The following ASTN1 variants were observed in gnomAD, a reference collection of about 807,000 sequenced individuals.
ASTN1 encodes the protein astrotactin-1.
In ASTN1, 41 loss-of-function variants were observed where a neutral mutation model predicts 140.7. That is an observed-to-expected ratio of 0.29 (90% confidence interval 0.23 to 0.38). ASTN1 has a LOEUF of 0.38. ASTN1 is among the 10% of genes least tolerant of loss of function. ASTN1 has a pLI of 1.00. For synonymous variants in ASTN1, 640 were observed against 652.2 expected (o/e 0.98, Z 0.29); for missense variants, 1,479 against 1,678.8 (o/e 0.88, Z 2.08).
intron 11 of ASTN1, among the ~76,000 whole-genome samples, chr1:176,951,343 CTG>C (rs1672184422): frequency 6.6e-6 from 1 of 152,230 alleles, no homozygotes; most frequent in South Asian, 2.1e-4. Flanking sequence ...GGCTTCAGCA[CTG>C]TGCGGCTGCC....
chr1:176,922,578 A>C (rs978718797), intron 16 of ASTN1, among the ~76,000 whole-genome samples: 1 of 150,384 alleles, frequency 6.6e-6, no homozygotes, highest in African/African-American at 2.5e-5. Flanking sequence ...AAAAAAAAAA[A>C]AAATTCTCAC....
Position 176,934,230 on chromosome 1 carries a change from C to T in ASTN1, c.2593G>A (p.Glu865Lys), listed in dbSNP as rs1671334217. Residue 865 changes from glutamate to lysine, a missense_variant, in exon 16 of 23, where the codon GAG becomes AAG. By Grantham distance (56) the Glu-to-Lys change is moderately conservative. Coordinates refer to ENST00000361833, the MANE Select transcript of ASTN1 (RefSeq NM_004319.3). Reference sequence around the variant, plus strand: ...GGGTACCAGATAGAACAGGACTCCTCAAAGCCGTAGATAGCTTCCTGGATG... The same window carrying T: ...GGGTACCAGATAGAACAGGACTCCTTAAAGCCGTAGATAGCTTCCTGGATG... ...HYIQEAIYGF[E>K]ESCSIWYPNK... 1 of 1,613,964 alleles carries T rather than the reference C, an allele frequency of 6.2e-7. No individual in the cohort carries two copies. Among genetic ancestry groups the T allele is most frequent in the South Asian group, 1.1e-5 (1 of 91,080 alleles).
intron 21 of ASTN1, among the ~76,000 whole-genome samples, chr1:176,875,702 T>C (rs761204962): frequency 6.6e-6 from 1 of 152,200 alleles, no homozygotes; most frequent in East Asian, 1.9e-4. Context: ...GGACACAATA[T>C]TTCTCTTACT....
chr1:177,085,430 G>A (rs557890129), intron 1 of ASTN1, among the ~76,000 whole-genome samples: 17 of 152,206 alleles, frequency 1.1e-4, no homozygotes, highest in East Asian at 9.7e-4. Flanking sequence ...TTTACCCAGC[G>A]TTTATTGGGT....
At chr1:177,123,700 A>T (rs1681508745) in intron 1 of ASTN1, among the ~76,000 whole-genome samples, 1 of 152,156 alleles carries the variant, frequency 6.6e-6, no homozygotes, top group African/African-American at 2.4e-5. Flanking sequence ...TCTCGATAGC[A>T]GACTTTCTCT....
intron 1 of ASTN1, among the ~76,000 whole-genome samples, chr1:177,084,573 CT>C: frequency 6.6e-6 from 1 of 152,108 alleles, no homozygotes; most frequent in Non-Finnish European, 1.5e-5. Flanking sequence ...ATTTCATACT[CT>C]TTCCATCTTA....
chr1:176,943,341 A>C (rs1671819341), intron 14 of ASTN1, among the ~76,000 whole-genome samples: 1 of 152,106 alleles, frequency 6.6e-6, no homozygotes, highest in Non-Finnish European at 1.5e-5. Context: ...AACAATACTG[A>C]GGGGCAGGCA....
chr1:177,158,659 T>A, intron 1 of ASTN1, among the ~76,000 whole-genome samples: 1 of 84,516 alleles, frequency 1.2e-5, no homozygotes, highest in South Asian at 4.0e-4. Flanking sequence ...AAAGTACGTG[T>A]GTGTGTGTGT....
At chr1:176,882,379 C>T (rs1314123736) in intron 20 of ASTN1, among the ~76,000 whole-genome samples, 1 of 152,178 alleles carries the variant, frequency 6.6e-6, no homozygotes, top group African/African-American at 2.4e-5. Flanking sequence ...TGCCTCTGCC[C>T]TACTAGACTA....
At position 176,951,702 on chromosome 1, in the gene ASTN1, T is replaced by C. The variant is rs143768649; in HGVS notation, c.1888-2351A>G. Among the ~76,000 whole-genome samples, 133 of 152,340 alleles carry C rather than the reference T, an allele frequency of 8.7e-4. 1 individual carries two copies. The East Asian group carries it at 0.02, about 23-fold the overall frequency. ...AACCACATCTTGCCTGGCTTTAACG[T>C]CTAGATGACCACTGCTATCCCAAAT... is the stretch of plus-strand genomic sequence containing the variant. On this transcript the variant is annotated intron_variant, in intron 11 of 22. Transcript: ENST00000361833.
At chr1:177,126,777 G>C (rs1027797856) in intron 1 of ASTN1, among the ~76,000 whole-genome samples, 1 of 152,058 alleles carries the variant, frequency 6.6e-6, no homozygotes, top group Non-Finnish European at 1.5e-5. Flanking sequence ...TCATTTTTGT[G>C]GTCCTTGCCT....
intron 2 of ASTN1, among the ~76,000 whole-genome samples, chr1:177,057,557 T>C (rs529997577): frequency 3.9e-5 from 6 of 152,334 alleles, no homozygotes; most frequent in Non-Finnish European, 1.5e-5. Context: ...CTTGCACATA[T>C]TGGAAATAGT....
rs1437556806 is a variant in ASTN1 at position 176,989,462 on chromosome 1, A to G, written c.1524-24225T>C. On this transcript the variant is annotated intron_variant, in intron 8 of 22. Coordinates refer to ENST00000361833, the MANE Select transcript of ASTN1 (RefSeq NM_004319.3). ...CAATGGCCTAACAAACAAAACATAA[A>G]CCTGGCAACTCCATTAAACTTTTGC... Among the ~76,000 whole-genome samples the G allele has an allele frequency of 2.0e-5, 3 of 152,270 alleles. No homozygotes were observed. In the East Asian group the frequency reaches 5.8e-4, roughly 29 times the overall value.
intron 8 of ASTN1, among the ~76,000 whole-genome samples, chr1:176,988,428 C>A (rs1674010809): frequency 6.6e-6 from 1 of 151,668 alleles, no homozygotes; most frequent in Non-Finnish European, 1.5e-5. Flanking sequence ...GGGTTATTTG[C>A]AAATTAATAG....
intron 1 of ASTN1, among the ~76,000 whole-genome samples, chr1:177,064,608 G>C (rs1678260496): frequency 6.6e-6 from 1 of 152,208 alleles, no homozygotes; most frequent in Non-Finnish European, 1.5e-5. Context: ...CCAACCCTCA[G>C]AACCTCTCTG....
chr1:177,130,843 C>T (rs2102202136), intron 1 of ASTN1, among the ~76,000 whole-genome samples: 1 of 152,338 alleles, frequency 6.6e-6, no homozygotes, highest in East Asian at 1.9e-4. Flanking sequence ...TAGCTCCTGG[C>T]ATGCAGCATT....
At chr1:177,036,576 C>A (rs1676729805) in intron 2 of ASTN1, among the ~76,000 whole-genome samples, 2 of 152,078 alleles carry the variant, frequency 1.3e-5, no homozygotes, top group South Asian at 4.1e-4. Flanking sequence ...TAATATGTGA[C>A]ATTATTTAAT....
Position 176,949,211 on chromosome 1 carries a change from G to C in ASTN1, c.2028C>G (p.Thr676=), listed in dbSNP as rs749182299. ...CACAGAACATGAGGATGTTATACAA[G>C]GTGGGGTCGTCCGGGAAGGGCGCCA... ...QQMAPFPDDP[T]LYNILMFCGC... The change falls in exon 12 of 23, where the codon ACC becomes ACG. Residue 676 remains threonine (T), a synonymous_variant. Coordinates refer to ENST00000361833, the MANE Select transcript of ASTN1 (RefSeq NM_004319.3). 8.7e-6 allele frequency: 14 copies of C among 1,613,926 alleles called. No homozygotes were observed. The East Asian group carries it at 2.5e-4, about 28-fold the overall frequency.
intron 2 of ASTN1, among the ~76,000 whole-genome samples, chr1:177,054,820 TAGACTAG>T (rs1228265472): frequency 6.6e-6 from 1 of 151,438 alleles, no homozygotes; most frequent in Non-Finnish European, 1.5e-5. Context: ...ATTTATAGAA[TAGACTAG>T]ACAAAGAAGC....
Sources: gnomAD v4.1 joint callset for allele counts (sites outside exome capture counted in the v4.1 genomes callset) on GRCh38, gnomAD v4.1.1 for gene constraint, MANE v1.5 for transcripts, NCBI Gene and HGNC (gene_info 2026-07-23, HGNC 2026-07-21) for gene names.